Variants in ROGDI observed in about 807,000 individuals in gnomAD.
ROGDI encodes protein rogdi homolog.
ROGDI carries 46 observed loss-of-function variants against 43.1 expected under a neutral mutation model. The observed-to-expected ratio is 1.07, with a 90% CI of 0.84 to 1.37. The LOEUF is 1.37. Among genes scored for constraint, ROGDI ranks in the 40% most tolerant of loss-of-function variants. The probability of loss-of-function intolerance (pLI) is 0.00; values close to 1 mark genes in which losing one functional copy is unlikely to be tolerated. For missense variants in ROGDI, 518 were observed against 383.9 expected (o/e 1.35, Z -2.92); for synonymous variants, 243 against 162.0 (o/e 1.50, Z -3.80).
rs1283060910 is a variant in ROGDI at position 4,802,466 on chromosome 16, C to A, written c.46-13G>T. 26 of 1,259,972 alleles carry A rather than the reference C, an allele frequency of 2.1e-5. No homozygotes were observed. Among genetic ancestry groups the A allele is most frequent in the Non-Finnish European group, 2.4e-5 (24 of 1,005,574 alleles). 78.0% of individuals were successfully genotyped at this position (1,259,972 alleles called of 1,614,324 possible). A position where few individuals can be genotyped will look rare whatever the true frequency, so the allele number is the denominator to read the frequency against. On this transcript the variant is annotated splice_polypyrimidine_tract_variant and intron_variant, in intron 1 of 10. Coordinates refer to ENST00000322048, the MANE Select transcript of ROGDI (RefSeq NM_024589.3). ...GGAACTCCTCCTCCTGCGGGACAGA[C>A]CCGGCGGTCGCGCCCGGCCCCGCCG...
intron 2 of ROGDI, 28 bp from the exon 3 acceptor site, chr16:4,801,613 T>C: frequency 1.3e-6 from 2 of 1,566,186 alleles, no homozygotes; most frequent in Non-Finnish European, 1.7e-6. Context: ...GGAGGGGAGC[T>C]GGTAGCGCCC....
intron 4 of ROGDI, 33 bp from the exon 5 acceptor site, chr16:4,800,611 G>T (rs757476127): frequency 4.6e-6 from 7 of 1,506,300 alleles, no homozygotes; most frequent in South Asian, 2.4e-5. Context: ...GCTGGGCAGT[G>T]GGGGGGCACC....
Position 4,797,236 on chromosome 16 carries a change from C to G in ROGDI, c.*224G>C. 2 of 536,500 alleles carry G rather than the reference C, an allele frequency of 3.7e-6. No individual in the cohort carries two copies. The highest frequency in any genetic ancestry group is 6.7e-6 in the Non-Finnish European group (2 of 299,740). 33.2% of individuals were successfully genotyped at this position (536,500 alleles called of 1,614,324 possible). A position where few individuals can be genotyped will look rare whatever the true frequency, so the allele number is the denominator to read the frequency against. ...GGGCGGTGTTGGGAATGTGGGACAC[C>G]CTTGGCCCCGCCTCCCTGACCTCCC... is the stretch of plus-strand genomic sequence containing the variant. On this transcript the variant is annotated 3_prime_UTR_variant, in exon 11 of 11. Transcript: ENST00000322048.
Position 4,801,111 on chromosome 16 carries a change from G to T in ROGDI, c.255+156C>A, listed in dbSNP as rs887314858. The T allele has an allele frequency of 1.9e-5, 11 of 590,384 alleles. No homozygotes were observed. The East Asian group carries it at 3.2e-4, about 17-fold the overall frequency. The allele number at this position is 590,384 out of a possible 1,614,324, so 36.6% of individuals were successfully genotyped here. Reference sequence around the variant, plus strand: ...AATCTGCACACCGATCCCGGGAGAAGGTGTGAGGGTTGCTGTCATTTTCCA... The same window carrying T: ...AATCTGCACACCGATCCCGGGAGAATGTGTGAGGGTTGCTGTCATTTTCCA... On this transcript the variant is annotated intron_variant, in intron 4 of 10. Transcript: ENST00000322048.
At chr16:4,798,742 C>A in intron 6 of ROGDI, 75 bp from the exon 7 acceptor site, 1 of 1,192,674 alleles carries the variant, frequency 8.4e-7, no homozygotes, top group South Asian at 1.3e-5. Flanking sequence ...CATGGTAGCT[C>A]CCACTCCCAC....
At position 4,801,455 on chromosome 16, in the gene ROGDI, AC is replaced by A. The variant is rs751178799; in HGVS notation, c.200+47del. 38 of 1,575,902 alleles carry A rather than the reference AC, an allele frequency of 2.4e-5. No homozygotes were observed. The South Asian group carries it at 4.1e-4, about 17-fold the overall frequency. On this transcript the variant is annotated intron_variant, in intron 3 of 10. Transcript: ENST00000322048. ...GGACAGGGCTATGGCCATGCCTCCT[AC>A]CCCCCAAGGTACCCATTTCCCCGGT...
rs199642172 is a variant in ROGDI at position 4,797,511 on chromosome 16, G to A, written c.823-10C>T. 6.8e-5 allele frequency: 104 copies of A among 1,532,952 alleles called. 1 individual carries two copies. The East Asian group carries it at 2.5e-3, about 36-fold the overall frequency. The allele number at this position is 1,532,952 out of a possible 1,614,324, so 95.0% of individuals were successfully genotyped here. Reference sequence around the variant, plus strand: ...TGGAGAACACGGAGATCTGCAAGGGGAGAGGGTGCTGTAGGTTGCTGAAGG... The same window carrying A: ...TGGAGAACACGGAGATCTGCAAGGGAAGAGGGTGCTGTAGGTTGCTGAAGG... On this transcript the variant is annotated splice_polypyrimidine_tract_variant and intron_variant, in intron 10 of 10. Transcript: ENST00000322048.
In ROGDI at chr16:4,797,696, C is replaced by T. The variant is rs774729804; in HGVS notation, c.822+18G>A. The stretch of plus-strand genomic sequence containing the variant: ...TTAGAAGTCCTTCCCCTAATGAAGG[C>T]GCTCGGCCCGGGCCCACCTTGTCCT... On this transcript the variant is annotated intron_variant, in intron 10 of 10. Coordinates refer to ENST00000322048, the MANE Select transcript of ROGDI (RefSeq NM_024589.3). 154 of 1,200,544 alleles carry T rather than the reference C, an allele frequency of 1.3e-4. No homozygotes were observed. The highest frequency in any genetic ancestry group is 1.4e-4 in the Non-Finnish European group (129 of 947,256). The allele number at this position is 1,200,544 out of a possible 1,614,324, so 74.4% of individuals were successfully genotyped here. A position where few individuals can be genotyped will look rare whatever the true frequency, so the allele number is the denominator to read the frequency against.
At position 4,802,592 on chromosome 16, in the gene ROGDI, C is replaced by T; in HGVS notation, c.-21G>A. On this transcript the variant is annotated 5_prime_UTR_variant, in exon 1 of 11. Coordinates refer to ENST00000322048, the MANE Select transcript of ROGDI (RefSeq NM_024589.3). Reference sequence around the variant, plus strand: ...GCCATGGCCGCAGGCCGCCGCCGAGCGCCCTCCCCACCGGCCGCTGCTCCT... The same window carrying T: ...GCCATGGCCGCAGGCCGCCGCCGAGTGCCCTCCCCACCGGCCGCTGCTCCT... The T allele has an allele frequency of 2.3e-6, 3 of 1,306,050 alleles. No homozygotes were observed. The highest frequency in any genetic ancestry group is 2.9e-6 in the Non-Finnish European group (3 of 1,022,912). The allele number at this position is 1,306,050 out of a possible 1,614,324, so 80.9% of individuals were successfully genotyped here.
At position 4,797,960 on chromosome 16, in the gene ROGDI, G is replaced by A; in HGVS notation, c.673C>T (p.Leu225=). 1 of 1,605,494 alleles carries A rather than the reference G, an allele frequency of 6.2e-7. No homozygotes were observed. The highest frequency in any genetic ancestry group is 8.5e-7 in the Non-Finnish European group (1 of 1,174,550). The change falls in exon 9 of 11, where the codon CTG becomes TTG. Residue 225 remains leucine (L), a synonymous_variant. Coordinates refer to ENST00000322048, the MANE Select transcript of ROGDI (RefSeq NM_024589.3). ...TACAACATGGCCCCAGGGCTATGCA[G>A]CACCGCGCCCCCAGCTGGGCGGAAG... ...KNFRPAGGAV[L]HSPGAMFEWG...
intron 4 of ROGDI, chr16:4,801,027 C>T: frequency 2.0e-6 from 1 of 509,182 alleles, no homozygotes; most frequent in South Asian, 3.2e-5. Flanking sequence ...CCATGTTTCA[C>T]TGGTCCGGAC....
chr16:4,802,369 C>A lies in ROGDI; in HGVS notation c.117+13G>T. On this transcript the variant is annotated intron_variant, in intron 2 of 10. Transcript: ENST00000322048. ...GGCCGCCACGCCCGGCGGGGCAGGG[C>A]GCGGGTCGTTACCTTGAGGATGTCC... 1 of 1,563,426 alleles carries A rather than the reference C, an allele frequency of 6.4e-7. No individual in the cohort carries two copies. The highest frequency in any genetic ancestry group is 8.6e-7 in the Non-Finnish European group (1 of 1,158,882).
chr16:4,798,517 G>A (rs1421269430), intron 7 of ROGDI, 52 bp downstream of exon 7: 6 of 1,395,528 alleles, frequency 4.3e-6, no homozygotes, highest in East Asian at 2.5e-5. Context: ...GGGCAAGCTG[G>A]GACCCACTGT....
intron 7 of ROGDI, 43 bp from the exon 8 acceptor site, chr16:4,798,227 C>T: frequency 6.5e-7 from 1 of 1,538,318 alleles, no homozygotes; most frequent in Non-Finnish European, 8.9e-7. Context: ...AGCCCCCAGC[C>T]CAGGCTGGAT....
intron 7 of ROGDI, 110 bp from the exon 8 acceptor site, chr16:4,798,294 A>G: frequency 1.1e-6 from 1 of 911,024 alleles, no homozygotes; most frequent in Non-Finnish European, 1.7e-6. Context: ...TCCCCACCCC[A>G]GAGATGCTCT....
Position 4,802,153 on chromosome 16 carries a change from G to A in ROGDI, c.117+229C>T, listed in dbSNP as rs568611666. 1.2e-4 allele frequency: 78 copies of A among 653,954 alleles called. No homozygotes were observed. In the East Asian group the frequency reaches 2.2e-3, roughly 18 times the overall value. The allele number at this position is 653,954 out of a possible 1,614,324, so 40.5% of individuals were successfully genotyped here. On this transcript the variant is annotated intron_variant, in intron 2 of 10. Coordinates refer to ENST00000322048, the MANE Select transcript of ROGDI (RefSeq NM_024589.3). Reference sequence around the variant, plus strand: ...AGGCGGCCTTCCCCGACCCGAGGCCGGGCGGGACTCAGGCCCTTGCTAGCA... The same window carrying A: ...AGGCGGCCTTCCCCGACCCGAGGCCAGGCGGGACTCAGGCCCTTGCTAGCA...
chr16:4,797,997 ACAG>A lies in ROGDI; in HGVS notation c.646-13_646-11del. On this transcript the variant is annotated splice_polypyrimidine_tract_variant and intron_variant, in intron 8 of 10. Coordinates refer to ENST00000322048, the MANE Select transcript of ROGDI (RefSeq NM_024589.3). ...CAGCTGGGCGGAAGTTCTAGGGAGA[ACAG>A]CACCAGACCCGTCAGGCCTTGCAGG... The A allele has an allele frequency of 1.2e-6, 2 of 1,612,460 alleles. No individual in the cohort carries two copies. The highest frequency in any genetic ancestry group is 1.7e-6 in the Non-Finnish European group (2 of 1,179,078).
rs2082663220 is a variant in ROGDI at position 4,797,402 on chromosome 16, G to T, written c.*58C>A. On this transcript the variant is annotated 3_prime_UTR_variant, in exon 11 of 11. Coordinates refer to ENST00000322048, the MANE Select transcript of ROGDI (RefSeq NM_024589.3). ...CGTTGGCACTGGCTGGTGCTCTGTG[G>T]TGGGTATGAGTAGGGGACGGGGCCG... 1 of 1,528,276 alleles carries T rather than the reference G, an allele frequency of 6.5e-7. No individual in the cohort carries two copies. Among genetic ancestry groups the T allele is most frequent in the Non-Finnish European group, 9.0e-7 (1 of 1,115,192 alleles). 94.7% of individuals were successfully genotyped at this position (1,528,276 alleles called of 1,614,324 possible).
intron 2 of ROGDI, chr16:4,801,944 C>T (rs774766129): frequency 1.5e-4 from 87 of 571,372 alleles, no homozygotes; most frequent in Middle Eastern, 1.4e-3. Context: ...AAGCACTACG[C>T]CGGTTACTTC....
Sources: allele counts gnomAD v4.1 joint callset, GRCh38; gene constraint gnomAD v4.1.1; transcripts MANE v1.5; gene names NCBI Gene and HGNC (gene_info 2026-07-23, HGNC 2026-07-21).